FGFR1: variants seen among roughly 807,000 people sequenced by gnomAD.
The protein encoded by FGFR1 is fibroblast growth factor receptor 1, also known as FGFR1/PLAG1 fusion.
A neutral mutation model predicts 93.7 loss-of-function variants in FGFR1; 18 were observed. The ratio of observed to expected loss-of-function variants is 0.19; its 90% CI spans 0.13 to 0.28. The LOEUF (loss-of-function observed/expected upper bound fraction) is 0.28, where lower values mean the gene tolerates loss of function less well. Among genes scored for constraint, FGFR1 ranks in the 10% least tolerant of loss-of-function variants. The pLI is 1.00. For missense variants in FGFR1, 731 were observed against 1,080.4 expected (o/e 0.68, Z 4.53); for synonymous variants, 448 against 429.3 (o/e 1.04, Z -0.54).
In FGFR1 at chr8:38,417,404, T is replaced by C; in HGVS notation, c.1565A>G (p.Glu522Gly). 6.2e-7 allele frequency: 1 copy of C among 1,613,944 alleles called. No homozygotes were observed. The highest frequency in any genetic ancestry group is 8.5e-7 in the Non-Finnish European group (1 of 1,179,976). Residue 522 changes from glutamate (E) to glycine (G), a missense_variant, in exon 12 of 18, where the codon GAG becomes GGG. Coordinates refer to ENST00000447712, the MANE Select transcript of FGFR1 (RefSeq NM_023110.3). ...TGAGATCAGGTCTGACAAGTCTTTC[T>C]CTGTTGCGTCCGCTTTAAAGAACAC... ...AVKMLKSDAT[E>G]KDLSDLISEM...
Position 38,414,247 on chromosome 8 carries a change from G to T in FGFR1, c.2091C>A (p.Gly697=), listed in dbSNP as rs773144331. The part of the protein sequence containing the change: ...GVLLWEIFTL[G]GSPYPGVPVE... ...CAGGCACACCGGGGTATGGGGAGCCGCCCAGAGTGAAGATCTCCCACAGGA... is the reference window on the plus strand; with the variant it reads ...CAGGCACACCGGGGTATGGGGAGCCTCCCAGAGTGAAGATCTCCCACAGGA... The change falls in exon 16 of 18, where the codon GGC becomes GGA. Residue 697 remains glycine, a synonymous_variant. Transcript: ENST00000447712. 6.2e-7 allele frequency: 1 copy of T among 1,614,096 alleles called. No individual in the cohort carries two copies. Among genetic ancestry groups the T allele is most frequent in the Admixed American group, 1.7e-5 (1 of 60,018 alleles).
At position 38,468,515 on chromosome 8, in the gene FGFR1, T is replaced by G. The variant is rs1836001038; in HGVS notation, c.-623A>C. On this transcript the variant is annotated 5_prime_UTR_variant, in exon 1 of 18. Coordinates refer to ENST00000447712, the MANE Select transcript of FGFR1 (RefSeq NM_023110.3). Reference sequence around the variant, plus strand: ...TCCCGTCCGGACGTGGCCGCCCAGCTCCCGGCACACCCGGGTTCCTCCGCG... The same window carrying G: ...TCCCGTCCGGACGTGGCCGCCCAGCGCCCGGCACACCCGGGTTCCTCCGCG... 1.8e-5 allele frequency: 4 copies of G among 228,558 alleles called. No homozygotes were observed. The highest frequency in any genetic ancestry group is 3.5e-5 in the Non-Finnish European group (4 of 114,950). 14.2% of individuals were successfully genotyped at this position (228,558 alleles called of 1,614,324 possible). A position where few individuals can be genotyped will look rare whatever the true frequency, so the allele number is the denominator to read the frequency against.
rs945676138 is a variant in FGFR1, at chr8:38,468,568, C to A, written c.-676G>T. On this transcript the variant is annotated 5_prime_UTR_variant, in exon 1 of 18. Coordinates refer to ENST00000447712, the MANE Select transcript of FGFR1 (RefSeq NM_023110.3). ...CTGCGGCTGCACCGGCGTCCCGGCT[C>A]CCGCTAGCTGCCGCCCGCCGCCGAG... 5 of 229,036 alleles carry A rather than the reference C, an allele frequency of 2.2e-5. No individual in the cohort carries two copies. The highest frequency in any genetic ancestry group is 4.4e-5 in the African/African-American group (2 of 45,074). The allele number at this position is 229,036 out of a possible 1,614,324, so 14.2% of individuals were successfully genotyped here.
chr8:38,451,134 C>G (rs1036502830), intron 2 of FGFR1, among the ~76,000 whole-genome samples: 2 of 152,194 alleles, frequency 1.3e-5, no homozygotes, highest in African/African-American at 4.8e-5. Context: ...TCACCTTTTG[C>G]TCCATGGAAT....
At chr8:38,422,296 A>C in intron 7 of FGFR1, 6 of 457,198 alleles carry the variant, frequency 1.3e-5, no homozygotes, top group Non-Finnish European at 2.4e-5. Context: ...CCAGAAGGTG[A>C]ACACAGGAGG....
intron 2 of FGFR1, among the ~76,000 whole-genome samples, chr8:38,433,319 T>C (rs1305923207): frequency 2.1e-5 from 3 of 142,824 alleles, no homozygotes; most frequent in East Asian, 2.0e-4. Context: ...ACAAAGACCC[T>C]TTTTTTTTTT....
chr8:38,463,449 TG>T, intron 1 of FGFR1: 1 of 206,836 alleles, frequency 4.8e-6, no homozygotes, highest in Non-Finnish European at 9.9e-6. Flanking sequence ...TCATATTATA[TG>T]ATTGTTATTT....
intron 2 of FGFR1, chr8:38,434,863 C>A (rs1212922628): frequency 6.6e-6 from 1 of 152,534 alleles, no homozygotes; most frequent in Non-Finnish European, 1.5e-5. Context: ...TGTATTGCTT[C>A]TTTTTGTTTG....
Position 38,426,438 on chromosome 8 carries a change from T to A in FGFR1, c.622-193A>T, listed in dbSNP as rs1563497145. 6.6e-6 allele frequency among the ~76,000 whole-genome samples: 1 copy of A among 152,168 alleles called. No individual in the cohort carries two copies. The highest frequency in any genetic ancestry group is 1.9e-4 in the East Asian group (1 of 5,192). On this transcript the variant is annotated intron_variant, in intron 5 of 17. Transcript: ENST00000447712. The surrounding 1 kb of genome is among the most constrained non-coding windows in gnomAD (Gnocchi z 4.1). ...CGTTCACACTCTGCAAGCTGGCAGA[T>A]GGGGTGTAAAGACTCCAGAAGTCTC... is the stretch of plus-strand genomic sequence containing the variant.
intron 2 of FGFR1, among the ~76,000 whole-genome samples, chr8:38,433,066 A>C (rs1041829090): frequency 3.3e-5 from 5 of 152,164 alleles, no homozygotes; most frequent in African/African-American, 1.2e-4. Context: ...GGCTGGGTGC[A>C]GTGGCTTATG....
At position 38,429,571 on chromosome 8, in the gene FGFR1, G is replaced by A; in HGVS notation, c.358+111C>T. On this transcript the variant is annotated intron_variant, in intron 3 of 17. Transcript: ENST00000447712. The surrounding 1 kb of genome is among the most constrained non-coding windows in gnomAD (Gnocchi z 4.4). Reference sequence around the variant, plus strand: ...TTAGTGGGCAGCAGTTTCTGAAGCAGAGTGGGGGCAGATCACGGAGGGGGA... The same window carrying A: ...TTAGTGGGCAGCAGTTTCTGAAGCAAAGTGGGGGCAGATCACGGAGGGGGA... 1 of 1,189,722 alleles carries A rather than the reference G, an allele frequency of 8.4e-7. No individual in the cohort carries two copies. The highest frequency in any genetic ancestry group is 1.2e-6 in the Non-Finnish European group (1 of 835,576). 73.7% of individuals were successfully genotyped at this position (1,189,722 alleles called of 1,614,324 possible). A position where few individuals can be genotyped will look rare whatever the true frequency, so the allele number is the denominator to read the frequency against.
chr8:38,432,452 G>A (rs1034488298), intron 2 of FGFR1, among the ~76,000 whole-genome samples: 7 of 137,724 alleles, frequency 5.1e-5, no homozygotes, highest in South Asian at 2.2e-4. Flanking sequence ...TTGCTCTTTC[G>A]CCCAGGCTGG....
Position 38,426,334 on chromosome 8 carries a change from C to T in FGFR1, c.622-89G>A, listed in dbSNP as rs2150871330. On this transcript the variant is annotated intron_variant, in intron 5 of 17. Transcript: ENST00000447712. This position sits in a 1 kb window ranked among gnomAD's most constrained non-coding sequence, Gnocchi z 4.1. ...GTCGGCACCCCGTGGCACCTGCCCT[C>T]CATATCAGAGCCTGGTGGCACAGGG... 1 of 1,578,194 alleles carries T rather than the reference C, an allele frequency of 6.3e-7. No individual in the cohort carries two copies. Among genetic ancestry groups the T allele is most frequent in the Non-Finnish European group, 8.6e-7 (1 of 1,157,340 alleles).
intron 2 of FGFR1, among the ~76,000 whole-genome samples, chr8:38,441,366 G>A (rs1827395499): frequency 6.6e-6 from 1 of 152,122 alleles, no homozygotes; most frequent in Non-Finnish European, 1.5e-5. Flanking sequence ...ACAATGGGGA[G>A]TTCACTACCT....
At chr8:38,417,272 C>T (rs1280750249) in intron 12 of FGFR1, 34 bp downstream of exon 12, 1 of 1,550,292 alleles carries the variant, frequency 6.5e-7, no homozygotes. Context: ...CTTCTCCCCG[C>T]TGGGCAGGGA....
At position 38,416,982 on chromosome 8, in the gene FGFR1, G is replaced by C. The variant is rs571989048; in HGVS notation, c.1663+324C>G. On this transcript the variant is annotated intron_variant, in intron 12 of 17. Coordinates refer to ENST00000447712, the MANE Select transcript of FGFR1 (RefSeq NM_023110.3). ...TTGACCAGACTGGTCTCGAACTCCT[G>C]ATCTCAAGTGATCTTCCTGCCTCGG... 5.9e-5 allele frequency among the ~76,000 whole-genome samples: 9 copies of C among 152,266 alleles called. No individual in the cohort carries two copies. The East Asian group carries it at 1.2e-3, about 20-fold the overall frequency.
rs891557607 is a variant in FGFR1 at position 38,468,114 on chromosome 8, C to T, written c.-222G>A. 1 of 226,308 alleles carries T rather than the reference C, an allele frequency of 4.4e-6. No homozygotes were observed. Among genetic ancestry groups the T allele is most frequent in the East Asian group, 6.2e-5 (1 of 16,128 alleles). The allele number at this position is 226,308 out of a possible 1,614,324, so 14.0% of individuals were successfully genotyped here. ...TCCTGGCGGGGTCGCAAGAGCTCCG[C>T]GGCCGGCGCTCGACTCCCGGCGGCG... On this transcript the variant is annotated 5_prime_UTR_variant, in exon 1 of 18. Transcript: ENST00000447712.
intron 13 of FGFR1, 146 bp from the exon 14 acceptor site, chr8:38,415,047 C>G: frequency 1.5e-6 from 1 of 652,898 alleles, no homozygotes; most frequent in Admixed American, 2.6e-5. Flanking sequence ...TTTCCCTCTT[C>G]TAACATTCTC....
At chr8:38,461,331 G>A (rs2151429974) in intron 1 of FGFR1, 2 of 577,646 alleles carry the variant, frequency 3.5e-6, no homozygotes, top group South Asian at 4.5e-5. Context: ...CGAATTCATG[G>A]CCAAATCTTT....
Sources: allele counts gnomAD v4.1 joint callset (sites outside exome capture counted in the v4.1 genomes callset), GRCh38; gene constraint gnomAD v4.1.1; non-coding constraint Gnocchi (gnomAD v3.1); transcripts MANE v1.5; gene names NCBI Gene and HGNC (gene_info 2026-07-23, HGNC 2026-07-21).